Variants in GNL1 observed in about 807,000 individuals in gnomAD.
GNL1 encodes guanine nucleotide-binding protein-like 1.
A neutral mutation model predicts 75.2 loss-of-function variants in GNL1; 21 were observed. That is an observed-to-expected ratio of 0.28 (90% CI 0.20 to 0.40). GNL1 has a LOEUF of 0.40. GNL1 is among the 10% of genes least tolerant of loss of function. The pLI, the probability that GNL1 is intolerant of heterozygous loss-of-function variation, is 1.00. For synonymous variants in GNL1, 287 were observed against 303.4 expected (o/e 0.95, Z 0.56); for missense variants, 579 against 775.0 (o/e 0.75, Z 3.00).
Position 30,553,478 on chromosome 6 carries a change from A to C in GNL1, c.680T>G (p.Val227Gly). 6.2e-7 allele frequency: 1 copy of C among 1,612,960 alleles called. No homozygotes were observed. ...CACAAGAGCTGGCGGGGCCAGATCCACCTTGTTCAAAACCAGCACCAGGGC... is the reference window on the plus strand; with the variant it reads ...CACAAGAGCTGGCGGGGCCAGATCCCCCTTGTTCAAAACCAGCACCAGGGC... Reference protein sequence around the residue: ...GLALVLVLNKVDLAPPALVVA... With the variant: ...GLALVLVLNKGDLAPPALVVA... The change falls in exon 6 of 12, where the codon GTG becomes GGG. Residue 227 changes from valine (V) to glycine (G), a missense_variant. Coordinates refer to ENST00000376621, the MANE Select transcript of GNL1 (RefSeq NM_005275.5).
Position 30,547,543 on chromosome 6 carries a change from A to G in GNL1, c.1100-13T>C. ...ACATTAGGGAAACCTGAGGAAGGCA[A>G]GGAAAATTAACGTTTAACAGGTTTC... On this transcript the variant is annotated splice_polypyrimidine_tract_variant and intron_variant, in intron 8 of 11. Coordinates refer to ENST00000376621, the MANE Select transcript of GNL1 (RefSeq NM_005275.5). This position sits in a 1 kb window ranked among gnomAD's most constrained non-coding sequence, Gnocchi z 5.5. 6.2e-7 allele frequency: 1 copy of G among 1,612,216 alleles called. No homozygotes were observed. The highest frequency in any genetic ancestry group is 8.5e-7 in the Non-Finnish European group (1 of 1,178,742).
Position 30,546,098 on chromosome 6 carries a change from C to A in GNL1, c.1798G>T (p.Ala600Ser). ...CAGCACTCATCCTCACCCAGCAGGG[C>A]ATAAGGGTTTCGGCCAGCCAGGCTG... ...GSSLAGRNPYALLGEDEC is the reference protein window; with the variant it reads ...GSSLAGRNPYSLLGEDEC Residue 600 changes from alanine (A) to serine (S), a missense_variant, in exon 12 of 12, where the codon GCC becomes TCC. Ala to Ser is a moderately conservative substitution (Grantham distance 99). Coordinates refer to ENST00000376621, the MANE Select transcript of GNL1 (RefSeq NM_005275.5). This position sits in a 1 kb window ranked among gnomAD's most constrained non-coding sequence, Gnocchi z 5.1. 6.3e-7 allele frequency: 1 copy of A among 1,586,838 alleles called. No homozygotes were observed.
intron 8 of GNL1, among the ~76,000 whole-genome samples, chr6:30,551,090 A>C (rs928336662): frequency 4.6e-5 from 7 of 152,172 alleles, no homozygotes; most frequent in African/African-American, 1.7e-4. Flanking sequence ...TCCCATCCCT[A>C]GAATATCTGG....
chr6:30,549,049 G>A (rs1273184725), intron 8 of GNL1, among the ~76,000 whole-genome samples: 1 of 152,082 alleles, frequency 6.6e-6, no homozygotes, highest in Non-Finnish European at 1.5e-5. Flanking sequence ...CCGGGCTGGA[G>A]TGCAGTGGTG....
In GNL1 at chr6:30,547,472, C is replaced by A. The variant is rs1451034518; in HGVS notation, c.1158G>T (p.Val386=). The A allele has an allele frequency of 1.2e-6, 2 of 1,613,462 alleles. No individual in the cohort carries two copies. The highest frequency in any genetic ancestry group is 1.7e-6 in the Non-Finnish European group (2 of 1,179,868). The change falls in exon 9 of 12, where the codon GTG becomes GTT. Residue 386 remains valine (V), a synonymous_variant. Transcript: ENST00000376621. This position sits in a 1 kb window ranked among gnomAD's most constrained non-coding sequence, Gnocchi z 5.5. ...TATGGCCCGGGGTTCTGGAGACACT[C>A]ACGACTTTCCGCCCCACCAGCCCAT... The part of the protein sequence containing the change: ...LINGLVGRKV[V]SVSRTPGHTR...
rs1444887241 is a variant in GNL1 at position 30,552,716 on chromosome 6, T to C, written c.905-55A>G. ...TTCTCCCCAGGGCTGCTGTGCATGA[T>C]GGCACATACTGTGCCCTGCACAGAT... On this transcript the variant is annotated intron_variant, in intron 7 of 11. Coordinates refer to ENST00000376621, the MANE Select transcript of GNL1 (RefSeq NM_005275.5). The surrounding 1 kb of genome is among the most constrained non-coding windows in gnomAD (Gnocchi z 4.5). 4 of 1,481,774 alleles carry C rather than the reference T, an allele frequency of 2.7e-6. No individual in the cohort carries two copies. The highest frequency in any genetic ancestry group is 3.7e-6 in the Non-Finnish European group (4 of 1,075,110). The allele number at this position is 1,481,774 out of a possible 1,614,324, so 91.8% of individuals were successfully genotyped here. A position where few individuals can be genotyped will look rare whatever the true frequency, so the allele number is the denominator to read the frequency against.
chr6:30,548,437 G>A lies in GNL1; in HGVS notation c.1100-907C>T, dbSNP rs542959710. 3.9e-5 allele frequency among the ~76,000 whole-genome samples: 6 copies of A among 152,138 alleles called. No individual in the cohort carries two copies. In the South Asian group the frequency reaches 1.2e-3, roughly 32 times the overall value. ...TCTGCCCTGACAACTCATCTTTCCAGCTCACTTACTCTGGTTACTCCATGC... is the reference window on the plus strand; with the variant it reads ...TCTGCCCTGACAACTCATCTTTCCAACTCACTTACTCTGGTTACTCCATGC... On this transcript the variant is annotated intron_variant, in intron 8 of 11. Transcript: ENST00000376621. This position sits in a 1 kb window ranked among gnomAD's most constrained non-coding sequence, Gnocchi z 4.2.
At position 30,555,701 on chromosome 6, in the gene GNL1, G is replaced by A; in HGVS notation, c.93C>T (p.Arg31=). The part of the protein sequence containing the change: ...ERKRGLQDGL[R]SSSNSRSGSR... ...TCCCGCTGCGGCTGTTGGAACTGGA[G>A]CGCAGCCCATCTTGAAGCCCTGCGG... The change falls in exon 2 of 12, where the codon CGC becomes CGT. Residue 31 remains arginine (R), a synonymous_variant. Coordinates refer to ENST00000376621, the MANE Select transcript of GNL1 (RefSeq NM_005275.5). This position sits in a 1 kb window ranked among gnomAD's most constrained non-coding sequence, Gnocchi z 4.3. The A allele has an allele frequency of 6.2e-7, 1 of 1,613,528 alleles. No individual in the cohort carries two copies. The highest frequency in any genetic ancestry group is 8.5e-7 in the Non-Finnish European group (1 of 1,179,936).
intron 8 of GNL1, among the ~76,000 whole-genome samples, chr6:30,550,020 T>G (rs1401202873): frequency 6.6e-6 from 1 of 152,030 alleles, no homozygotes; most frequent in African/African-American, 2.4e-5. Flanking sequence ...GAGACAGGGT[T>G]TCACCATGTT....
Position 30,547,387 on chromosome 6 carries a change from G to C in GNL1, c.1243C>G (p.Leu415Val), listed in dbSNP as rs1195281612. ...CTAGGCAGAAGAGATGGGAAGATGA[G>C]GCCTGGGCAGTCACAGAGCTTCACA... The part of the protein sequence containing the change: ...PSVKLCDCPG[L>V]IFPSLLPRQL... Residue 415 changes from leucine (L) to valine (V), a missense_variant, in exon 9 of 12, where the codon CTC becomes GTC. Transcript: ENST00000376621. This position sits in a 1 kb window ranked among gnomAD's most constrained non-coding sequence, Gnocchi z 5.5. 6.2e-7 allele frequency: 1 copy of C among 1,613,024 alleles called. No individual in the cohort carries two copies. The highest frequency in any genetic ancestry group is 1.7e-5 in the Admixed American group (1 of 59,692).
intron 8 of GNL1, among the ~76,000 whole-genome samples, chr6:30,550,517 T>G (rs935829991): frequency 6.6e-6 from 1 of 152,178 alleles, no homozygotes; most frequent in African/African-American, 2.4e-5. Flanking sequence ...CATCCTACTC[T>G]AAGCAACTCT....
rs758796447 is a variant in GNL1 at position 30,542,247 on chromosome 6, T to C, written c.*3825A>G. The C allele has an allele frequency of 6.6e-6, 1 of 151,638 alleles. No individual in the cohort carries two copies. Among genetic ancestry groups the C allele is most frequent in the Non-Finnish European group, 1.5e-5 (1 of 67,880 alleles). The allele number at this position is 151,638 out of a possible 1,614,324, so 9.4% of individuals were successfully genotyped here. On this transcript the variant is annotated 3_prime_UTR_variant, in exon 12 of 12. Coordinates refer to ENST00000376621, the MANE Select transcript of GNL1 (RefSeq NM_005275.5). This position sits in a 1 kb window ranked among gnomAD's most constrained non-coding sequence, Gnocchi z 4.5. ...CCTCTCGTTGCTGGTGGATACTCGT[T>C]CATTTTCCCCGCCACCACCCATCAG...
Position 30,548,914 on chromosome 6 carries a change from A to C in GNL1, c.1100-1384T>G, listed in dbSNP as rs1216710029. Reference sequence around the variant, plus strand: ...TTTGTAACTGTAAACTACAACATACAAAAAAATGCACAGAACATACATGTG... The same window carrying C: ...TTTGTAACTGTAAACTACAACATACCAAAAAATGCACAGAACATACATGTG... On this transcript the variant is annotated intron_variant, in intron 8 of 11. Transcript: ENST00000376621. This position sits in a 1 kb window ranked among gnomAD's most constrained non-coding sequence, Gnocchi z 4.2. Among the ~76,000 whole-genome samples, 2 of 152,198 alleles carry C rather than the reference A, an allele frequency of 1.3e-5. No individual in the cohort carries two copies. Among genetic ancestry groups the C allele is most frequent in the Non-Finnish European group, 2.9e-5 (2 of 68,034 alleles).
chr6:30,553,140 C>G lies in GNL1; in HGVS notation c.848G>C (p.Arg283Pro). 1 of 1,613,758 alleles carries G rather than the reference C, an allele frequency of 6.2e-7. No individual in the cohort carries two copies. Among genetic ancestry groups the G allele is most frequent in the Non-Finnish European group, 8.5e-7 (1 of 1,179,650 alleles). Reference sequence around the variant, plus strand: ...CAGCAACTGCTCTGGCCCCAGGGCCCGAGTCCATCCTCTCCCCCGCCTCCG... The same window carrying G: ...CAGCAACTGCTCTGGCCCCAGGGCCGGAGTCCATCCTCTCCCCCGCCTCCG... ...KSRRRGRGWTRALGPEQLLRA... is the reference protein window; with the variant it reads ...KSRRRGRGWTPALGPEQLLRA... The change falls in exon 7 of 12, where the codon CGG (arginine) becomes CCG (proline). Residue 283 changes from arginine (R) to proline (P), a missense_variant. By Grantham distance (103) the Arg-to-Pro change is moderately radical. Coordinates refer to ENST00000376621, the MANE Select transcript of GNL1 (RefSeq NM_005275.5).
Position 30,547,426 on chromosome 6 carries a change from A to G in GNL1, c.1204T>C (p.Phe402Leu), listed in dbSNP as rs1799520680. ...PGHTRYFQTY[F>L]LTPSVKLCDC... is the part of the protein sequence containing the mutation. Reference sequence around the variant, plus strand: ...CAGAGCTTCACAGAGGGGGTAAGAAAGTAGGTCTGAAAGTATCGGGTATGG... The same window carrying G: ...CAGAGCTTCACAGAGGGGGTAAGAAGGTAGGTCTGAAAGTATCGGGTATGG... Residue 402 changes from phenylalanine to leucine, a missense_variant, in exon 9 of 12, where the codon TTT (phenylalanine) becomes CTT (leucine). Coordinates refer to ENST00000376621, the MANE Select transcript of GNL1 (RefSeq NM_005275.5). This position sits in a 1 kb window ranked among gnomAD's most constrained non-coding sequence, Gnocchi z 5.5. 6.2e-7 allele frequency: 1 copy of G among 1,613,976 alleles called. No homozygotes were observed. The highest frequency in any genetic ancestry group is 1.1e-5 in the South Asian group (1 of 91,074).
rs1413425537 is a variant in GNL1 at position 30,544,494 on chromosome 6, C to A, written c.*1578G>T. 1 of 152,220 alleles carries A rather than the reference C, an allele frequency of 6.6e-6. No homozygotes were observed. Among genetic ancestry groups the A allele is most frequent in the Non-Finnish European group, 1.5e-5 (1 of 68,048 alleles). The allele number at this position is 152,220 out of a possible 1,614,324, so 9.4% of individuals were successfully genotyped here. ...CTCAAAGTAAGCTTAGCTTGGGCCC[C>A]TTTTCCTTTTCTATCAGTGAGGCCA... On this transcript the variant is annotated 3_prime_UTR_variant, in exon 12 of 12. Coordinates refer to ENST00000376621, the MANE Select transcript of GNL1 (RefSeq NM_005275.5).
rs1481757119 is a variant in GNL1, at chr6:30,548,738, C to T, written c.1100-1208G>A. Among the ~76,000 whole-genome samples the T allele has an allele frequency of 1.3e-5, 2 of 152,154 alleles. No individual in the cohort carries two copies. The highest frequency in any genetic ancestry group is 2.9e-5 in the Non-Finnish European group (2 of 68,026). On this transcript the variant is annotated intron_variant, in intron 8 of 11. Coordinates refer to ENST00000376621, the MANE Select transcript of GNL1 (RefSeq NM_005275.5). This position sits in a 1 kb window ranked among gnomAD's most constrained non-coding sequence, Gnocchi z 4.2. ...GTACCACTGTGCTCACTCTTTACAA[C>T]ACATGCAAGTATCTAGGAGGAAGGG...
rs1799576934 is a variant in GNL1 at position 30,548,520 on chromosome 6, G to A, written c.1100-990C>T. Among the ~76,000 whole-genome samples, 1 of 152,094 alleles carries A rather than the reference G, an allele frequency of 6.6e-6. No individual in the cohort carries two copies. Among genetic ancestry groups the A allele is most frequent in the South Asian group, 2.1e-4 (1 of 4,826 alleles). Reference sequence around the variant, plus strand: ...TAACACTATGCAATACCCAACTCGTGTCCTCAATTTCCTTCTTACTTGACT... The same window carrying A: ...TAACACTATGCAATACCCAACTCGTATCCTCAATTTCCTTCTTACTTGACT... On this transcript the variant is annotated intron_variant, in intron 8 of 11. Transcript: ENST00000376621. This position sits in a 1 kb window ranked among gnomAD's most constrained non-coding sequence, Gnocchi z 4.2.
chr6:30,556,314 C>T lies in GNL1; in HGVS notation c.-111G>A. ...GCCCGGGACCCTAGAGGAGGCGGGG[C>T]TAGCAGGTGACGTCAGCGGGCGGGC... On this transcript the variant is annotated 5_prime_UTR_variant, in exon 1 of 12. Transcript: ENST00000376621. The surrounding 1 kb of genome is among the most constrained non-coding windows in gnomAD (Gnocchi z 5.7). 3.1e-6 allele frequency: 4 copies of T among 1,273,506 alleles called. No individual in the cohort carries two copies. The highest frequency in any genetic ancestry group is 2.0e-5 in the Admixed American group (1 of 50,166). 78.9% of individuals were successfully genotyped at this position (1,273,506 alleles called of 1,614,324 possible).
Sources: allele counts gnomAD v4.1 joint callset (sites outside exome capture counted in the v4.1 genomes callset), GRCh38; gene constraint gnomAD v4.1.1; non-coding constraint Gnocchi (gnomAD v3.1); transcripts MANE v1.5; gene names NCBI Gene and HGNC (gene_info 2026-07-23, HGNC 2026-07-21).